ZCCHC17: variants seen among roughly 807,000 people sequenced by gnomAD.
The protein encoded by ZCCHC17 is zinc finger CCHC-type containing 17.
A neutral mutation model predicts 30.6 loss-of-function variants in ZCCHC17; 18 were observed. That is an observed-to-expected ratio of 0.59 (90% CI 0.41 to 0.87). The LOEUF (loss-of-function observed/expected upper bound fraction) is 0.87. Ranked by LOEUF, ZCCHC17 falls within the 40% of genes least tolerant of loss-of-function variation. ZCCHC17 has a pLI of 0.00. For synonymous variants in ZCCHC17, 88 were observed against 92.4 expected (o/e 0.95, Z 0.27); for missense variants, 263 against 284.2 (o/e 0.93, Z 0.54).
At chr1:31,352,772 G>A (rs1310863271) in intron 7 of ZCCHC17, among the ~76,000 whole-genome samples, 1 of 152,100 alleles carries the variant, frequency 6.6e-6, no homozygotes, top group Non-Finnish European at 1.5e-5. Context: ...ACCACATTTT[G>A]CTTATCCATT....
chr1:31,310,718 T>C (rs975589083), intron 2 of ZCCHC17, among the ~76,000 whole-genome samples: 2 of 152,242 alleles, frequency 1.3e-5, no homozygotes, highest in African/African-American at 2.4e-5. Flanking sequence ...TCTTTATAAA[T>C]TATCCAGTCT....
chr1:31,338,580 A>G (rs1471447877), intron 4 of ZCCHC17, among the ~76,000 whole-genome samples: 1 of 152,224 alleles, frequency 6.6e-6, no homozygotes, highest in African/African-American at 2.4e-5. Context: ...GACCAAGTCC[A>G]GAAGGAGATC....
chr1:31,318,130 G>A (rs1646779937), intron 2 of ZCCHC17: 8 of 1,462,476 alleles, frequency 5.5e-6, no homozygotes, highest in Middle Eastern at 1.8e-4. Context: ...AAATAGCAGT[G>A]CAGTCAGGAT....
At chr1:31,355,840 T>A (rs896005737) in intron 7 of ZCCHC17, among the ~76,000 whole-genome samples, 1 of 152,226 alleles carries the variant, frequency 6.6e-6, no homozygotes, top group African/African-American at 2.4e-5. Flanking sequence ...CCCTCCTGTT[T>A]CCTTTTACCC....
chr1:31,363,069 C>T (rs750198607), intron 7 of ZCCHC17, among the ~76,000 whole-genome samples: 6 of 151,978 alleles, frequency 3.9e-5, no homozygotes, highest in South Asian at 2.1e-4. Context: ...ATATGTTATA[C>T]GCACTGGAAC....
chr1:31,311,726 G>A (rs1000353599), intron 2 of ZCCHC17, among the ~76,000 whole-genome samples: 4 of 152,230 alleles, frequency 2.6e-5, no homozygotes, highest in African/African-American at 9.6e-5. Context: ...TTCATGAGGG[G>A]CCTAAGGGCC....
chr1:31,303,116 C>T (rs544577994), intron 1 of ZCCHC17, among the ~76,000 whole-genome samples: 10 of 146,764 alleles, frequency 6.8e-5, no homozygotes, highest in African/African-American at 2.2e-4. Context: ...GTCTCTACCC[C>T]CCCTCAAAAA....
intron 7 of ZCCHC17, among the ~76,000 whole-genome samples, chr1:31,362,471 A>G (rs1639944925): frequency 6.6e-6 from 1 of 152,216 alleles, no homozygotes; most frequent in African/African-American, 2.4e-5. Context: ...CTGCCCCATT[A>G]GACACCTGGG....
At position 31,341,665 on chromosome 1, in the gene ZCCHC17, A is replaced by G. The variant is rs1639052404; in HGVS notation, c.317+2617A>G. Among the ~76,000 whole-genome samples, 2 of 152,244 alleles carry G rather than the reference A, an allele frequency of 1.3e-5. 1 individual carries two copies. Among genetic ancestry groups the G allele is most frequent in the South Asian group, 4.1e-4 (2 of 4,834 alleles). On this transcript the variant is annotated intron_variant, in intron 5 of 7. Coordinates refer to ENST00000344147, the MANE Select transcript of ZCCHC17 (RefSeq NM_016505.4). ...GGATTTAGAGCTAGACTTGAATCAG[A>G]AAGAGTACTGGTTCTGCTCCAAACT... is the stretch of plus-strand genomic sequence containing the variant.
chr1:31,343,740 A>G (rs1639134563), intron 5 of ZCCHC17, among the ~76,000 whole-genome samples: 1 of 143,588 alleles, frequency 7.0e-6, no homozygotes, highest in South Asian at 2.2e-4. Context: ...GCTGGAGTGT[A>G]GTGATCATAG....
rs1349297709 is a variant in ZCCHC17 at position 31,364,741 on chromosome 1, CAT to C, written c.*549_*550del. The C allele has an allele frequency of 6.5e-6, 1 of 153,440 alleles. No individual in the cohort carries two copies. Among genetic ancestry groups the C allele is most frequent in the Non-Finnish European group, 1.5e-5 (1 of 68,632 alleles). The allele number at this position is 153,440 out of a possible 1,614,324, so 9.5% of individuals were successfully genotyped here. A position where few individuals can be genotyped will look rare whatever the true frequency, so the allele number is the denominator to read the frequency against. ...CATAGTTCTACTATGCTAGAAGTGG[CAT>C]CCAGCGGCCACAGCTAGAAAACAGT... On this transcript the variant is annotated 3_prime_UTR_variant, in exon 8 of 8. Transcript: ENST00000344147.
chr1:31,328,833 T>C (rs1638463278), intron 3 of ZCCHC17, among the ~76,000 whole-genome samples: 1 of 152,124 alleles, frequency 6.6e-6, no homozygotes, highest in East Asian at 1.9e-4. Context: ...ACCCTCCTCT[T>C]TCTTCCTAGA....
intron 3 of ZCCHC17, among the ~76,000 whole-genome samples, chr1:31,330,983 T>C (rs183743278): frequency 8.5e-5 from 13 of 152,218 alleles, no homozygotes; most frequent in Admixed American, 3.3e-4. Flanking sequence ...GTTTCAGCCA[T>C]AGATAGAAAT....
intron 7 of ZCCHC17, among the ~76,000 whole-genome samples, chr1:31,354,483 T>A (rs1267143910): frequency 6.6e-6 from 1 of 152,160 alleles, no homozygotes; most frequent in Admixed American, 6.5e-5. Context: ...GGCTCACTGC[T>A]GCCTTGACGT....
chr1:31,326,958 A>G (rs1366814179), intron 3 of ZCCHC17, among the ~76,000 whole-genome samples: 1 of 152,232 alleles, frequency 6.6e-6, no homozygotes, highest in Admixed American at 6.5e-5. Flanking sequence ...TCTTTGGCTC[A>G]GGTAGGTAGA....
At chr1:31,313,273 T>A (rs567567184) in intron 2 of ZCCHC17, among the ~76,000 whole-genome samples, 1 of 152,110 alleles carries the variant, frequency 6.6e-6, no homozygotes, top group South Asian at 2.1e-4. Flanking sequence ...GGTCTCACTA[T>A]GTTGCCCAGG....
intron 7 of ZCCHC17, among the ~76,000 whole-genome samples, chr1:31,350,518 A>G (rs1471923357): frequency 2.6e-5 from 4 of 152,042 alleles, no homozygotes; most frequent in Non-Finnish European, 5.9e-5. Flanking sequence ...GGGTACCTCA[A>G]ACTTTGGCTG....
chr1:31,323,327 C>A (rs1646904303), intron 3 of ZCCHC17, among the ~76,000 whole-genome samples: 1 of 149,274 alleles, frequency 6.7e-6, no homozygotes, highest in Non-Finnish European at 1.5e-5. Context: ...TTCTTTCTTT[C>A]TTTTTTTTTT....
intron 5 of ZCCHC17, among the ~76,000 whole-genome samples, chr1:31,344,154 C>G (rs1469084574): frequency 1.3e-5 from 2 of 151,770 alleles, no homozygotes; most frequent in African/African-American, 4.8e-5. Context: ...CATGCCTGGC[C>G]TAATTTTTAA....
Sources: allele counts gnomAD v4.1 joint callset (sites outside exome capture counted in the v4.1 genomes callset), GRCh38; gene constraint gnomAD v4.1.1; transcripts MANE v1.5; gene names NCBI Gene and HGNC (gene_info 2026-07-23, HGNC 2026-07-21).